The following CNTN4 variants were observed in gnomAD, a reference collection of about 807,000 sequenced individuals.
CNTN4 encodes contactin-4.
A neutral mutation model predicts 122.5 loss-of-function variants in CNTN4; 77 were observed. That is an observed-to-expected ratio of 0.63 (90% CI 0.52 to 0.76). CNTN4 has a LOEUF of 0.76. Among genes scored for constraint, CNTN4 ranks in the 30% least tolerant of loss-of-function variants. The pLI, the probability that CNTN4 is intolerant of heterozygous loss-of-function variation, is 0.00. For missense variants in CNTN4, 1,256 were observed against 1,259.1 expected (o/e 1.00, Z 0.04); for synonymous variants, 512 against 447.0 (o/e 1.15, Z -1.83).
chr3:2,481,485 A>C (rs1377472355), intron 3 of CNTN4, among the ~76,000 whole-genome samples: 1 of 152,144 alleles, frequency 6.6e-6, no homozygotes, highest in East Asian at 1.9e-4. Context: ...CTGAACATCA[A>C]CATGTAAGAC....
Position 2,287,640 on chromosome 3 carries a change from GAAGAAGAAGA to G in CNTN4, c.-144-51536_-144-51527del, listed in dbSNP as rs1559415211. Among the ~76,000 whole-genome samples, 451 of 58,388 alleles carry G rather than the reference GAAGAAGAAGA, an allele frequency of 7.7e-3. 7 individuals are homozygous for G. The highest frequency in any genetic ancestry group is 0.028 in the Middle Eastern group (3 of 108). The allele number at this position is 58,388 out of a possible 152,430, so 38.3% of individuals were successfully genotyped here. A position where few individuals can be genotyped will look rare whatever the true frequency, so the allele number is the denominator to read the frequency against. On this transcript the variant is annotated intron_variant, in intron 2 of 24. Coordinates refer to ENST00000418658, the MANE Select transcript of CNTN4 (RefSeq NM_175607.3). ...AGAAGGAGAAGGAGAAGGAGAAGAA[GAAGAAGAAGA>G]AGAAGAAGAAGAAGAAGAAGAAGAA...
intron 3 of CNTN4, among the ~76,000 whole-genome samples, chr3:2,535,698 C>A (rs756927740): frequency 6.6e-6 from 1 of 152,090 alleles, no homozygotes; most frequent in African/African-American, 2.4e-5. Context: ...TAAAAAGCAT[C>A]TCTGTTGGAT....
At chr3:2,268,003 G>A (rs2041123896) in intron 2 of CNTN4, among the ~76,000 whole-genome samples, 1 of 152,058 alleles carries the variant, frequency 6.6e-6, no homozygotes, top group Non-Finnish European at 1.5e-5. Context: ...CAGAAGGTGT[G>A]GTTCATAGGA....
intron 3 of CNTN4, among the ~76,000 whole-genome samples, chr3:2,529,538 A>T (rs982162517): frequency 1.3e-5 from 2 of 152,174 alleles, no homozygotes; most frequent in Non-Finnish European, 2.9e-5. Context: ...TATAATATGT[A>T]TTATGATTTG....
chr3:2,349,358 A>C (rs182694755), intron 3 of CNTN4, among the ~76,000 whole-genome samples: 15 of 152,314 alleles, frequency 9.8e-5, no homozygotes, highest in African/African-American at 3.6e-4. Flanking sequence ...GTAGCTCTTC[A>C]AAATTGCAAA....
At chr3:2,237,249 G>A (rs1035855138) in intron 2 of CNTN4, among the ~76,000 whole-genome samples, 2 of 152,120 alleles carry the variant, frequency 1.3e-5, no homozygotes, top group African/African-American at 4.8e-5. Flanking sequence ...TCTTGACTTA[G>A]TGGTGGATTG....
intron 6 of CNTN4, among the ~76,000 whole-genome samples, chr3:2,817,535 T>G (rs2092765160): frequency 6.6e-6 from 1 of 152,182 alleles, no homozygotes; most frequent in Admixed American, 6.5e-5. Flanking sequence ...ATTCATAAAC[T>G]AAGAAGGAAA....
chr3:2,647,778 T>A (rs1325565596), intron 4 of CNTN4, among the ~76,000 whole-genome samples: 5 of 152,222 alleles, frequency 3.3e-5, no homozygotes, highest in Non-Finnish European at 5.9e-5. Flanking sequence ...TAAATTGCTG[T>A]AGAGATACCA....
intron 4 of CNTN4, among the ~76,000 whole-genome samples, chr3:2,674,802 C>A (rs2084749512): frequency 1.3e-5 from 2 of 151,862 alleles, no homozygotes; most frequent in South Asian, 2.1e-4. Flanking sequence ...AAACCATTAA[C>A]TGTGCTATAG....
At chr3:2,193,088 A>T (rs959085681) in intron 2 of CNTN4, among the ~76,000 whole-genome samples, 4 of 152,102 alleles carry the variant, frequency 2.6e-5, no homozygotes, top group African/African-American at 9.7e-5. Flanking sequence ...TCTTTACTGG[A>T]GTTGACAGCT....
chr3:2,287,711 G>GGAAGAGGAAGAA (rs1559415965), intron 2 of CNTN4, among the ~76,000 whole-genome samples: 1 of 65,420 alleles, frequency 1.5e-5, no homozygotes, highest in African/African-American at 6.1e-5. Flanking sequence ...AAGAAGAAGA[G>GGAAGAGGAAGAA]GAAGAAGAAG....
intron 2 of CNTN4, among the ~76,000 whole-genome samples, chr3:2,120,395 ATATATATATATTT>A (rs2033676299): frequency 3.3e-5 from 1 of 30,646 alleles, no homozygotes; most frequent in African/African-American, 8.9e-5. Flanking sequence ...ATATATATAT[ATATATATATATTT>A]TTTTTTTTTT....
At chr3:2,880,576 T>C (rs1207244217) in intron 8 of CNTN4, among the ~76,000 whole-genome samples, 1 of 152,190 alleles carries the variant, frequency 6.6e-6, no homozygotes, top group Non-Finnish European at 1.5e-5. Flanking sequence ...TTTGTGCAGA[T>C]GCTGAAAGAA....
chr3:2,520,332 G>A (rs1268503362), intron 3 of CNTN4, among the ~76,000 whole-genome samples: 1 of 135,740 alleles, frequency 7.4e-6, no homozygotes, highest in African/African-American at 2.9e-5. Context: ...GAGTGCAGTG[G>A]CACAATCTTG....
intron 6 of CNTN4, among the ~76,000 whole-genome samples, chr3:2,772,364 C>T (rs1312996783): frequency 3.0e-5 from 4 of 131,508 alleles, no homozygotes; most frequent in Non-Finnish European, 4.9e-5. Context: ...GTGGTGAAAT[C>T]GTCAAGGTTC....
chr3:2,981,098 A>G (rs1325494713), intron 13 of CNTN4, among the ~76,000 whole-genome samples: 5 of 151,890 alleles, frequency 3.3e-5, no homozygotes. Context: ...GCTCGATTTT[A>G]CAAGCTGCTC....
chr3:2,652,650 C>G (rs903990853), intron 4 of CNTN4, among the ~76,000 whole-genome samples: 4 of 151,984 alleles, frequency 2.6e-5, no homozygotes, highest in Admixed American at 6.6e-5. Context: ...GCCCAGAGCA[C>G]AGGGACTTGT....
At chr3:2,975,913 T>C (rs1303700882) in intron 13 of CNTN4, among the ~76,000 whole-genome samples, 1 of 152,222 alleles carries the variant, frequency 6.6e-6, no homozygotes, top group Non-Finnish European at 1.5e-5. Flanking sequence ...GGAATTATGT[T>C]GAAATTGTCT....
intron 2 of CNTN4, among the ~76,000 whole-genome samples, chr3:2,106,707 A>G (rs1289872167): frequency 6.6e-6 from 1 of 152,128 alleles, no homozygotes; most frequent in Non-Finnish European, 1.5e-5. Flanking sequence ...TGCCCTGAAG[A>G]CGTTTTCCCC....
Sources: allele counts gnomAD v4.1 joint callset (sites outside exome capture counted in the v4.1 genomes callset), GRCh38; gene constraint gnomAD v4.1.1; transcripts MANE v1.5; gene names NCBI Gene and HGNC (gene_info 2026-07-23, HGNC 2026-07-21).